The following STT3B variants were observed in gnomAD, a reference collection of about 807,000 sequenced individuals.
The protein encoded by STT3B is STT3 oligosaccharyltransferase complex catalytic subunit B, also known as dolichyl-diphosphooligosaccharide--protein glycosyltransferase subunit STT3B.
A neutral mutation model predicts 96.8 loss-of-function variants in STT3B; 29 were observed. That is an observed-to-expected ratio of 0.30 (90% CI 0.22 to 0.41). STT3B has a LOEUF of 0.41. STT3B is among the 10% of genes least tolerant of loss of function. The pLI is 1.00. For missense variants in STT3B, 640 were observed against 1,022.3 expected (o/e 0.63, Z 5.10); for synonymous variants, 367 against 360.0 (o/e 1.02, Z -0.22).
At chr3:31,582,482 A>T (rs1698431637) in intron 3 of STT3B, among the ~76,000 whole-genome samples, 1 of 151,492 alleles carries the variant, frequency 6.6e-6, no homozygotes, top group South Asian at 2.1e-4. Context: ...TTTAGTAGAG[A>T]TGGATTTTCA....
chr3:31,619,987 C>G, intron 9 of STT3B, 157 bp downstream of exon 9: 1 of 1,492,556 alleles, frequency 6.7e-7, no homozygotes, highest in Middle Eastern at 2.4e-4. Flanking sequence ...GAAAAATTCA[C>G]TGAGAGGCTG....
At position 31,625,799 on chromosome 3, in the gene STT3B, A is replaced by G. The variant is rs4955108; in HGVS notation, c.1900-155A>G. On this transcript the variant is annotated intron_variant, in intron 12 of 15. Transcript: ENST00000295770. ...GTAGTTGAGAGGTTCATAAATTCCA[A>G]TGCATTTGTTGAATTCATAGTAAAT... Among the ~76,000 whole-genome samples the G allele has an allele frequency of 0.92, 140,244 of 152,300 alleles. 64,743 individuals carry two copies. The highest frequency in any genetic ancestry group is 0.96 in the East Asian group (4,983 of 5,192).
intron 9 of STT3B, among the ~76,000 whole-genome samples, chr3:31,620,830 A>C (rs1404611126): frequency 1.3e-5 from 2 of 152,220 alleles, no homozygotes; most frequent in East Asian, 3.8e-4. Context: ...CTGGACCATG[A>C]GTGACACATG....
intron 8 of STT3B, 106 bp from the exon 9 acceptor site, chr3:31,619,570 G>A (rs1699383671): frequency 5.7e-6 from 5 of 878,308 alleles, no homozygotes; most frequent in East Asian, 2.6e-5. Context: ...AATAAGAAGG[G>A]GTAGGGAGTA....
intron 1 of STT3B, among the ~76,000 whole-genome samples, chr3:31,558,415 A>T (rs1255575929): frequency 2.6e-5 from 4 of 152,222 alleles, no homozygotes; most frequent in East Asian, 1.9e-4. Flanking sequence ...GTTCAAAATT[A>T]AAAAATCAAA....
chr3:31,596,964 G>A (rs1419584825), intron 4 of STT3B, 101 bp downstream of exon 4: 3 of 906,538 alleles, frequency 3.3e-6, no homozygotes, highest in African/African-American at 3.4e-5. Flanking sequence ...TTTGTTTAAT[G>A]TAATCTTTCA....
intron 1 of STT3B, among the ~76,000 whole-genome samples, chr3:31,566,110 A>G (rs1193356027): frequency 6.6e-6 from 1 of 152,208 alleles, no homozygotes; most frequent in Non-Finnish European, 1.5e-5. Flanking sequence ...ATGGTACCAT[A>G]TGTCATTCAA....
At chr3:31,568,904 T>C (rs566347434) in intron 1 of STT3B, among the ~76,000 whole-genome samples, 9 of 152,218 alleles carry the variant, frequency 5.9e-5, no homozygotes, top group Non-Finnish European at 1.2e-4. Context: ...AGGTTGATAT[T>C]CCTAGTGTTT....
chr3:31,596,842 C>T lies in STT3B; in HGVS notation c.756C>T (p.Cys252=). 1.2e-6 allele frequency: 2 copies of T among 1,612,592 alleles called. No homozygotes were observed. The highest frequency in any genetic ancestry group is 1.7e-6 in the Non-Finnish European group (2 of 1,179,068). Reference sequence around the variant, plus strand: ...GGTCAGTTTTTTGGACAATGTGCTGCTGCTTATCCTATTTCTATATGGTAA... The same window carrying T: ...GGTCAGTTTTTTGGACAATGTGCTGTTGCTTATCCTATTTCTATATGGTAA... ...KTGSVFWTMC[C]CLSYFYMVSA... The change falls in exon 4 of 16, where the codon TGC becomes TGT. Residue 252 remains cysteine, a synonymous_variant. Transcript: ENST00000295770.
Position 31,533,010 on chromosome 3 carries a change from C to G in STT3B, c.12C>G (p.Pro4=), listed in dbSNP as rs959736854. The G allele has an allele frequency of 1.3e-6, 2 of 1,589,450 alleles. No homozygotes were observed. Among genetic ancestry groups the G allele is most frequent in the African/African-American group, 2.8e-5 (2 of 71,748 alleles). Residue 4 remains proline, a synonymous_variant, in exon 1 of 16, where the codon CCC becomes CCG. Transcript: ENST00000295770. Reference sequence around the variant, plus strand: ...CGCCGGGGCACAACATGGCGGAGCCCTCGGCCCCGGAGAGCAAGCACAAGT... The same window carrying G: ...CGCCGGGGCACAACATGGCGGAGCCGTCGGCCCCGGAGAGCAAGCACAAGT... The part of the protein sequence containing the change: MAE[P]SAPESKHKSS...
intron 2 of STT3B, among the ~76,000 whole-genome samples, chr3:31,578,514 A>G (rs1162572038): frequency 6.6e-6 from 1 of 151,838 alleles, no homozygotes; most frequent in African/African-American, 2.4e-5. Context: ...ACCGTATTAT[A>G]TGGATATATT....
intron 1 of STT3B, among the ~76,000 whole-genome samples, chr3:31,549,397 G>A (rs1368629635): frequency 6.6e-6 from 1 of 151,392 alleles, no homozygotes; most frequent in African/African-American, 2.4e-5. Flanking sequence ...TGTATACATT[G>A]CTTATTTTGA....
At chr3:31,589,452 G>A (rs999244558) in intron 3 of STT3B, among the ~76,000 whole-genome samples, 5 of 151,726 alleles carry the variant, frequency 3.3e-5, no homozygotes, top group Admixed American at 6.6e-5. Context: ...TTGTCTTATT[G>A]CATTTGCTAG....
chr3:31,605,910 TC>T (rs1699040783), intron 5 of STT3B, among the ~76,000 whole-genome samples: 1 of 152,176 alleles, frequency 6.6e-6, no homozygotes, highest in African/African-American at 2.4e-5. Flanking sequence ...ACCAAAATGC[TC>T]ATAATGATAT....
intron 1 of STT3B, among the ~76,000 whole-genome samples, chr3:31,543,083 A>AAAAAAAAG (rs1553601795): frequency 1.3e-5 from 2 of 151,462 alleles, no homozygotes; most frequent in African/African-American, 4.8e-5. Context: ...AAAAAAAAAA[A>AAAAAAAAG]AGAGAAAGAA....
At chr3:31,583,205 T>C (rs1324615429) in intron 3 of STT3B, among the ~76,000 whole-genome samples, 1 of 152,236 alleles carries the variant, frequency 6.6e-6, no homozygotes, top group African/African-American at 2.4e-5. Flanking sequence ...ATTTTGATGG[T>C]CTGTTATCAG....
intron 13 of STT3B, among the ~76,000 whole-genome samples, chr3:31,628,038 A>G (rs1404650308): frequency 6.6e-6 from 1 of 151,920 alleles, no homozygotes; most frequent in Non-Finnish European, 1.5e-5. Flanking sequence ...CTCTATAGGT[A>G]ATAACAATGT....
intron 15 of STT3B, among the ~76,000 whole-genome samples, chr3:31,634,679 T>G (rs1007507446): frequency 5.3e-5 from 8 of 152,150 alleles, no homozygotes; most frequent in African/African-American, 1.9e-4. Flanking sequence ...CACTAGAAAT[T>G]GTAGTCCAGG....
In STT3B at chr3:31,579,784, A is replaced by G. The variant is rs1228244549; in HGVS notation, c.424-25A>G. The G allele has an allele frequency of 1.9e-6, 3 of 1,568,050 alleles. No individual in the cohort carries two copies. In the East Asian group the frequency reaches 6.8e-5, roughly 35 times the overall value. On this transcript the variant is annotated intron_variant, in intron 2 of 15. Coordinates refer to ENST00000295770, the MANE Select transcript of STT3B (RefSeq NM_178862.3). Reference sequence around the variant, plus strand: ...TTTGTGTCTCATTTTATATGTAATTAAATTTTCCATTTTTTTCTTCCTAGG... The same window carrying G: ...TTTGTGTCTCATTTTATATGTAATTGAATTTTCCATTTTTTTCTTCCTAGG...
Sources: allele counts gnomAD v4.1 joint callset (sites outside exome capture counted in the v4.1 genomes callset), GRCh38; gene constraint gnomAD v4.1.1; transcripts MANE v1.5; gene names NCBI Gene and HGNC (gene_info 2026-07-23, HGNC 2026-07-21).